Variants in IL17REL observed in about 807,000 individuals in gnomAD.
The protein encoded by IL17REL is interleukin 17 receptor E like.
IL17REL carries 36 observed loss-of-function variants against 49.0 expected under a neutral mutation model. The ratio of observed to expected loss-of-function variants is 0.73; its 90% CI spans 0.56 to 0.97. IL17REL has a LOEUF of 0.97. Among genes scored for constraint, IL17REL ranks in the 50% least tolerant of loss-of-function variants. The probability of loss-of-function intolerance (pLI) is 0.00; values close to 1 mark genes in which losing one functional copy is unlikely to be tolerated. For missense variants in IL17REL, 470 were observed against 453.9 expected, an observed-to-expected ratio of 1.04 and a Z score of -0.32; for synonymous variants, 206 against 192.4, an observed-to-expected ratio of 1.07 and a Z score of -0.58.
intron 1 of IL17REL, among the ~76,000 whole-genome samples, chr22:50,008,250 G>A (rs559026783): frequency 7.2e-5 from 11 of 152,234 alleles, no homozygotes; most frequent in Admixed American, 4.6e-4. Context: ...AAATAGATAC[G>A]CTGTTTAACA....
intron 1 of IL17REL, among the ~76,000 whole-genome samples, chr22:50,007,724 A>G (rs2061117801): frequency 6.6e-6 from 1 of 152,002 alleles, no homozygotes; most frequent in East Asian, 1.9e-4. Context: ...CGCTTTGTGA[A>G]TTTGCATGTC....
exon 8 of IL17REL, chr22:49,998,184 C>A: frequency 6.2e-6 from 10 of 1,609,704 alleles, no homozygotes; most frequent in Non-Finnish European, 8.5e-6. Flanking sequence ...CGGCAGCCGG[C>A]CCCCGGCCCC....
chr22:49,998,053 A>G (rs563321137), exon 9 of IL17REL: 5 of 1,592,234 alleles, frequency 3.1e-6, no homozygotes, highest in Admixed American at 1.9e-5. Flanking sequence ...CTGGGTGTCC[A>G]CCAGCGGGTA....
At chr22:50,001,287 T>G in intron 1 of IL17REL, 56 bp from the exon 3 acceptor site, 1 of 764,572 alleles carries the variant, frequency 1.3e-6, no homozygotes, top group Non-Finnish European at 2.2e-6. Flanking sequence ...GGAAAGGCTT[T>G]GTGGGTGGTT....
exon 8 of IL17REL, chr22:49,998,227 A>G (rs1348881924): frequency 3.1e-6 from 5 of 1,612,376 alleles, no homozygotes; most frequent in Non-Finnish European, 2.5e-6. Context: ...GGCCACTCAC[A>G]GGGCAGGCGG....
At chr22:50,009,618 G>A (rs1420355099), upstream of IL17REL, among the ~76,000 whole-genome samples, 1 of 144,778 alleles carries the variant, frequency 6.9e-6, no homozygotes, top group African/African-American at 2.5e-5. Context: ...TCTACAGACC[G>A]GACGGGGAAG....
chr22:50,012,319 G>A (rs1371948107), upstream of IL17REL, among the ~76,000 whole-genome samples: 1 of 152,214 alleles, frequency 6.6e-6, no homozygotes, highest in African/African-American at 2.4e-5. Flanking sequence ...TGGGTCCGAG[G>A]TGGGCTCACC....
intron 4 of IL17REL, among the ~76,000 whole-genome samples, 39 bp downstream of exon 6, chr22:50,000,157 C>G (rs2061069381): frequency 6.6e-6 from 1 of 152,234 alleles, no homozygotes; most frequent in Non-Finnish European, 1.5e-5. Flanking sequence ...GTCGCAGCGT[C>G]TGAGGGTCTT....
At chr22:50,012,267 G>T (rs751823175), upstream of IL17REL, among the ~76,000 whole-genome samples, 115 of 152,326 alleles carry the variant, frequency 7.5e-4, no homozygotes, top group African/African-American at 2.1e-3. Flanking sequence ...TGGGCTTGCG[G>T]GCTGCCCTAG....
intron 1 of IL17REL, among the ~76,000 whole-genome samples, chr22:50,005,192 A>T (rs1182257170): frequency 1.3e-5 from 2 of 152,190 alleles, no homozygotes; most frequent in Admixed American, 6.6e-5. Context: ...GCAGAAACAC[A>T]CAAGATTAGT....
intron 9 of IL17REL, 99 bp from the exon 12 acceptor site, chr22:49,997,841 G>A (rs913684122): frequency 1.4e-6 from 2 of 1,417,106 alleles, no homozygotes; most frequent in South Asian, 2.3e-5. Context: ...GCTTCAGGGT[G>A]CTCTGGGCCC....
At chr22:50,010,078 C>T (rs1032740868), upstream of IL17REL, among the ~76,000 whole-genome samples, 1 of 151,758 alleles carries the variant, frequency 6.6e-6, no homozygotes, top group African/African-American at 2.4e-5. Context: ...TCTGAGTCTT[C>T]GTTCTCACCC....
intron 1 of IL17REL, among the ~76,000 whole-genome samples, chr22:50,002,257 T>C (rs1160533146): frequency 6.6e-6 from 1 of 152,242 alleles, no homozygotes; most frequent in East Asian, 1.9e-4. Context: ...ATTTGGGGCC[T>C]TGGCTGCTTG....
intron 1 of IL17REL, among the ~76,000 whole-genome samples, chr22:50,006,202 C>T (rs954162817): frequency 6.6e-6 from 1 of 152,056 alleles, no homozygotes; most frequent in Non-Finnish European, 1.5e-5. Flanking sequence ...AAAGCCCAGG[C>T]ACTGTTCCAG....
chr22:50,011,676 C>G (rs1483433112), upstream of IL17REL, among the ~76,000 whole-genome samples: 1 of 152,130 alleles, frequency 6.6e-6, no homozygotes, highest in Non-Finnish European at 1.5e-5. Flanking sequence ...CCACCGGTTC[C>G]CACGCATCCC....
At chr22:50,000,029 C>T (rs1472312303) in intron 4 of IL17REL, 62 bp from the exon 7 acceptor site, 2 of 1,406,260 alleles carry the variant, frequency 1.4e-6, no homozygotes, top group Middle Eastern at 2.3e-4. Context: ...GGGGCTCTGT[C>T]TGTCCCGAGA....
chr22:49,993,844 G>C (rs767905945), downstream of IL17REL, among the ~76,000 whole-genome samples: 8 of 152,178 alleles, frequency 5.3e-5, no homozygotes, highest in Non-Finnish European at 7.4e-5. This position sits in a 1 kb window ranked among gnomAD's most constrained non-coding sequence, Gnocchi z 6.0. Context: ...GTGCACCACA[G>C]GGAGCACCCC....
exon 12 of IL17REL, chr22:49,997,026 C>G: frequency 6.4e-7 from 1 of 1,551,910 alleles, no homozygotes; most frequent in Non-Finnish European, 8.7e-7. Context: ...CAGGCCTCCT[C>G]CCTGGGAAGG....
At chr22:49,996,146 AC>A (rs2061032935) in exon 13 of IL17REL, 1 of 152,192 alleles carries the variant, frequency 6.6e-6, no homozygotes, top group African/African-American at 2.4e-5. Context: ...AGCTGAGGAG[AC>A]ATTCCAGAGA....
Sources: allele counts gnomAD v4.1 joint callset (sites outside exome capture counted in the v4.1 genomes callset), GRCh38; gene constraint gnomAD v4.1.1; non-coding constraint Gnocchi (gnomAD v3.1); transcripts MANE v1.5; gene names NCBI Gene and HGNC (gene_info 2026-07-23, HGNC 2026-07-21).